The following SYNE1 variants were observed in gnomAD, a reference collection of about 807,000 sequenced individuals.
SYNE1 encodes the protein nesprin-1.
SYNE1 carries 616 observed loss-of-function variants against 1,111.0 expected under a neutral mutation model. That is an observed-to-expected ratio of 0.55 (90% CI 0.52 to 0.59). The LOEUF (loss-of-function observed/expected upper bound fraction) is 0.59. Among genes scored for constraint, SYNE1 ranks in the 20% least tolerant of loss-of-function variants. The pLI is 0.00. For synonymous variants in SYNE1, 3,855 were observed against 3,825.8 expected (o/e 1.01, Z -0.28); for missense variants, 10,006 against 10,417.0 (o/e 0.96, Z 1.72).
intron 11 of SYNE1, among the ~76,000 whole-genome samples, chr6:152,495,117 T>A (rs2098992075): frequency 6.6e-6 from 1 of 152,192 alleles, no homozygotes; most frequent in African/African-American, 2.4e-5. Context: ...TTCCTTTCCA[T>A]CATGGAAATC....
At chr6:152,261,185 A>G (rs757791618) in intron 101 of SYNE1, among the ~76,000 whole-genome samples, 3 of 152,170 alleles carry the variant, frequency 2.0e-5, no homozygotes, top group Admixed American at 6.5e-5. Flanking sequence ...AGGTTTTAGA[A>G]TTCACTCCGA....
intron 42 of SYNE1, among the ~76,000 whole-genome samples, chr6:152,411,732 C>CCA (rs1563814350): frequency 6.0e-5 from 3 of 49,796 alleles, no homozygotes; most frequent in African/African-American, 2.9e-4. Context: ...CACACACCCC[C>CCA]ACACACACAC....
chr6:152,372,515 T>C (rs992508782), intron 59 of SYNE1, among the ~76,000 whole-genome samples: 1 of 152,214 alleles, frequency 6.6e-6, no homozygotes, highest in Non-Finnish European at 1.5e-5. Context: ...AAAAAATAAT[T>C]ATATTGTGGC....
rs746572705 is a variant in SYNE1, at chr6:152,540,009, A to G, written c.80T>C (p.Ile27Thr). 2 of 1,613,908 alleles carry G rather than the reference A, an allele frequency of 1.2e-6. No homozygotes were observed. The highest frequency in any genetic ancestry group is 2.2e-5 in the East Asian group (1 of 44,824). The change falls in exon 4 of 146, where the codon ATA becomes ACA. Residue 27 changes from isoleucine to threonine, a missense_variant. Transcript: ENST00000367255. ...VMQRLQDEQE[I>T]VQKRTFTKWI... ...TTTTGTGAAAGTTCGTTTTTGTACT[A>G]TCTCTTGCTCATCTAGAAGGAAAAA...
At chr6:152,461,562 C>T in intron 21 of SYNE1, 35 bp downstream of exon 21, 1 of 1,613,620 alleles carries the variant, frequency 6.2e-7, no homozygotes, top group Non-Finnish European at 8.5e-7. Context: ...CTGTTGGTGT[C>T]ACACAGCCTA....
chr6:152,431,614 A>G (rs2098429697), intron 34 of SYNE1, among the ~76,000 whole-genome samples: 1 of 152,156 alleles, frequency 6.6e-6, no homozygotes, highest in East Asian at 1.9e-4. Context: ...CAAATTATTC[A>G]ATCAAAATAC....
intron 5 of SYNE1, among the ~76,000 whole-genome samples, chr6:152,522,579 G>A (rs754213305): frequency 6.6e-6 from 1 of 152,068 alleles, no homozygotes; most frequent in Non-Finnish European, 1.5e-5. Context: ...ACCCAGTAGT[G>A]GGATTGCTGT....
At chr6:152,449,361 T>C (rs1038282848) in intron 28 of SYNE1, among the ~76,000 whole-genome samples, 172 bp downstream of exon 28, 5 of 152,178 alleles carry the variant, frequency 3.3e-5, no homozygotes, top group Non-Finnish European at 7.3e-5. Flanking sequence ...AAGGATTCAA[T>C]AGGAAAAAAC....
intron 3 of SYNE1, among the ~76,000 whole-genome samples, chr6:152,596,798 C>G (rs2099583246): frequency 6.6e-6 from 1 of 152,050 alleles, no homozygotes; most frequent in Non-Finnish European, 1.5e-5. Flanking sequence ...TATCATCTTC[C>G]CTTCCTGTTG....
chr6:152,629,522 C>CGGGGGGGGGGGGGGGGGGGGGGGGGG lies in SYNE1; in HGVS notation c.-223-969_-223-968insCCCCCCCCCCCCCCCCCCCCCCCCCC. Among the ~76,000 whole-genome samples, 2 of 6,138 alleles carry CGGGGGGGGGGGGGGGGGGGGGGGGGG rather than the reference C, an allele frequency of 3.3e-4. 1 individual carries two copies. Among genetic ancestry groups the CGGGGGGGGGGGGGGGGGGGGGGGGGG allele is most frequent in the Non-Finnish European group, 5.5e-4 (2 of 3,646 alleles). 4.0% of individuals were successfully genotyped at this position (6,138 alleles called of 152,430 possible). A position where few individuals can be genotyped will look rare whatever the true frequency, so the allele number is the denominator to read the frequency against. ...TGCCTGGCTGGTTAAGTTTCATTGC[C>CGGGGGGGGGGGGGGGGGGGGGGGGGG]GGGGGGGGGGGGGGGAGGGGGAGGG... On this transcript the variant is annotated intron_variant, in intron 2 of 145. Transcript: ENST00000367255.
intron 145 of SYNE1, chr6:152,125,222 T>C (rs963554742): frequency 1.5e-5 from 23 of 1,537,138 alleles, no homozygotes; most frequent in African/African-American, 4.1e-5. Flanking sequence ...TGGTTGGTGA[T>C]AGGAATAATG....
chr6:152,369,310 G>A (rs2097137881), intron 60 of SYNE1, 161 bp downstream of exon 60: 2 of 1,369,822 alleles, frequency 1.5e-6, no homozygotes, highest in Non-Finnish European at 2.0e-6. Flanking sequence ...ATACTTCCAA[G>A]GAAAGTCAGA....
chr6:152,165,072 G>A (rs1030172279), intron 130 of SYNE1, among the ~76,000 whole-genome samples: 1 of 148,932 alleles, frequency 6.7e-6, no homozygotes, highest in Non-Finnish European at 1.5e-5. Flanking sequence ...AGATATTCGC[G>A]CCCCCTCCCC....
chr6:152,353,206 A>AC, intron 69 of SYNE1, 57 bp downstream of exon 69: 1 of 1,598,564 alleles, frequency 6.3e-7, no homozygotes, highest in Non-Finnish European at 8.6e-7. Flanking sequence ...ATGCAGGAGA[A>AC]TGGGGCAGCT....
intron 14 of SYNE1, chr6:152,481,454 G>A: frequency 3.1e-6 from 1 of 318,164 alleles, no homozygotes. Context: ...AATTAAAATA[G>A]TTTCATATGT....
At chr6:152,386,782 A>T (rs755916354) in intron 54 of SYNE1, among the ~76,000 whole-genome samples, 1 of 144,782 alleles carries the variant, frequency 6.9e-6, no homozygotes, top group African/African-American at 2.5e-5. Flanking sequence ...TTTGATGTGC[A>T]AAGTAGAGAG....
chr6:152,604,837 C>T lies in SYNE1; in HGVS notation c.67+23428G>A, dbSNP rs376595773. Among the ~76,000 whole-genome samples the T allele has an allele frequency of 2.5e-4, 38 of 149,698 alleles. No individual in the cohort carries two copies. In the South Asian group the frequency reaches 4.7e-3, roughly 19 times the overall value. The stretch of plus-strand genomic sequence containing the variant: ...GGTGTGGTGGTGTGTGCCTGTAGTC[C>T]CAGCTACTCGGGAGGCTGAAGTAGG... On this transcript the variant is annotated intron_variant, in intron 3 of 145. Transcript: ENST00000367255.
chr6:152,631,926 A>G (rs1164823495), intron 2 of SYNE1, among the ~76,000 whole-genome samples: 1 of 152,104 alleles, frequency 6.6e-6, no homozygotes. Flanking sequence ...ACCCCTTCAC[A>G]TCACCCCTCT....
chr6:152,430,094 G>A lies in SYNE1; in HGVS notation c.4788+18C>T. On this transcript the variant is annotated intron_variant, in intron 36 of 145. Transcript: ENST00000367255. ...TTTTAAGTTGGTAAATAGTAGAAAT[G>A]TTGAAGCATACTCTTACCATATGTT... is the stretch of plus-strand genomic sequence containing the variant. 3 of 1,510,356 alleles carry A rather than the reference G, an allele frequency of 2.0e-6. No individual in the cohort carries two copies. The highest frequency in any genetic ancestry group is 2.7e-6 in the Non-Finnish European group (3 of 1,094,046). 93.6% of individuals were successfully genotyped at this position (1,510,356 alleles called of 1,614,324 possible).
Sources: allele counts gnomAD v4.1 joint callset (sites outside exome capture counted in the v4.1 genomes callset), GRCh38; gene constraint gnomAD v4.1.1; transcripts MANE v1.5; gene names NCBI Gene and HGNC (gene_info 2026-07-23, HGNC 2026-07-21).